Variants in ARSJ observed in about 807,000 individuals in gnomAD.
The protein encoded by ARSJ is arylsulfatase family member J, also known as arylsulfatase J.
In ARSJ, 26 loss-of-function variants were observed where a neutral mutation model predicts 35.9. That is an observed-to-expected ratio of 0.72 (90% CI 0.53 to 1.00). ARSJ has a LOEUF of 1.00. Among genes scored for constraint, ARSJ ranks in the 50% least tolerant of loss-of-function variants. The probability of loss-of-function intolerance (pLI) is 0.00; values close to 1 mark genes in which losing one functional copy is unlikely to be tolerated. For missense variants in ARSJ, 667 were observed against 723.6 expected, an observed-to-expected ratio of 0.92 and a Z score of 0.90; for synonymous variants, 294 against 267.6, an observed-to-expected ratio of 1.10 and a Z score of -0.96.
chr4:113,941,922 A>G (rs570118319), intron 1 of ARSJ, among the ~76,000 whole-genome samples: 1 of 152,144 alleles, frequency 6.6e-6, no homozygotes, highest in Admixed American at 6.6e-5. Context: ...TGTAAGAAGC[A>G]CATGTTTCCA....
chr4:113,909,324 CA>C (rs970000344), intron 1 of ARSJ, among the ~76,000 whole-genome samples: 14 of 152,030 alleles, frequency 9.2e-5, no homozygotes, highest in South Asian at 4.1e-4. Flanking sequence ...AATAAACAAA[CA>C]AAAAAATAGT....
Position 113,902,846 on chromosome 4 carries a change from C to CAAAAT in ARSJ, c.1227_1228insATTTT (p.Gly410IlefsTer9). The CAAAAT allele has an allele frequency of 6.2e-7, 1 of 1,614,090 alleles. No individual in the cohort carries two copies. The highest frequency in any genetic ancestry group is 8.5e-7 in the Non-Finnish European group (1 of 1,180,022). ...ATATCTACTCGGGGTGAGCGAAGACCCTCACTTATGGTCTCCCAGATATCA... is the reference window on the plus strand; with the variant it reads ...ATATCTACTCGGGGTGAGCGAAGACCAAAATCTCACTTATGGTCTCCCAGATATCA... On this transcript the variant is annotated frameshift_variant, in exon 2 of 2. Transcript: ENST00000315366. LOFTEE classifies it high-confidence loss of function.
intron 1 of ARSJ, among the ~76,000 whole-genome samples, chr4:113,913,463 G>A (rs973833742): frequency 2.9e-4 from 44 of 151,480 alleles, no homozygotes; most frequent in African/African-American, 1.1e-3. Flanking sequence ...TTTATTTGAA[G>A]ACCCATACTT....
chr4:113,935,840 C>T (rs905757823), intron 1 of ARSJ, among the ~76,000 whole-genome samples: 21 of 151,840 alleles, frequency 1.4e-4, no homozygotes, highest in Admixed American at 5.9e-4. Context: ...AAATGAAGAC[C>T]ACTTGAAAAA....
chr4:113,941,405 T>G (rs1725151365), intron 1 of ARSJ, among the ~76,000 whole-genome samples: 1 of 151,960 alleles, frequency 6.6e-6, no homozygotes, highest in South Asian at 2.1e-4. Flanking sequence ...TGGAAGAAAA[T>G]CTACTAGGAA....
At position 113,902,301 on chromosome 4, in the gene ARSJ, A is replaced by G. The variant is rs1490146849; in HGVS notation, c.1773T>C (p.Thr591=). The part of the protein sequence containing the change: ...KKQQKAVSGS[T]CHSGVTCG Reference sequence around the variant, plus strand: ...ATCCACAAGTAACACCTGAATGGCAAGTTGAACCTGAGACTGCTTTCTGCT... The same window carrying G: ...ATCCACAAGTAACACCTGAATGGCAGGTTGAACCTGAGACTGCTTTCTGCT... The change falls in exon 2 of 2, where the codon ACT becomes ACC. Residue 591 remains threonine, a synonymous_variant. Coordinates refer to ENST00000315366, the MANE Select transcript of ARSJ (RefSeq NM_024590.4). The G allele has an allele frequency of 6.2e-7, 1 of 1,612,170 alleles. No homozygotes were observed. The highest frequency in any genetic ancestry group is 1.3e-5 in the African/African-American group (1 of 75,060).
chr4:113,906,370 AG>A (rs1426650692), intron 1 of ARSJ, among the ~76,000 whole-genome samples: 1 of 152,256 alleles, frequency 6.6e-6, no homozygotes, highest in Non-Finnish European at 1.5e-5. Flanking sequence ...CAGAAAAAAA[AG>A]AAAGTAAGAA....
chr4:113,928,288 G>T (rs1724207203), intron 1 of ARSJ, among the ~76,000 whole-genome samples: 1 of 152,258 alleles, frequency 6.6e-6, no homozygotes, highest in South Asian at 2.1e-4. Flanking sequence ...ATGGGAGAAA[G>T]ATTCATTGCA....
At chr4:113,945,166 G>T (rs145801985) in intron 1 of ARSJ, among the ~76,000 whole-genome samples, 76 of 152,132 alleles carry the variant, frequency 5.0e-4, no homozygotes, top group Non-Finnish European at 1.0e-3. Flanking sequence ...TTAAGAGACA[G>T]GGTCTTACTC....
At chr4:113,929,060 C>G (rs1326366916) in intron 1 of ARSJ, among the ~76,000 whole-genome samples, 1 of 152,136 alleles carries the variant, frequency 6.6e-6, no homozygotes, top group Non-Finnish European at 1.5e-5. Flanking sequence ...AGAGTCCCTA[C>G]TTAGTGGGCC....
At chr4:113,954,422 C>T (rs1562367449) in intron 1 of ARSJ, among the ~76,000 whole-genome samples, 3 of 151,960 alleles carry the variant, frequency 2.0e-5, no homozygotes, top group Non-Finnish European at 4.4e-5. Context: ...TTCATCTTTT[C>T]TGAAAATACA....
intron 1 of ARSJ, among the ~76,000 whole-genome samples, chr4:113,918,078 A>G (rs1287074330): frequency 6.6e-6 from 1 of 152,192 alleles, no homozygotes; most frequent in Non-Finnish European, 1.5e-5. Flanking sequence ...CCAATGAGTA[A>G]TAAGAATCTC....
At chr4:113,915,971 T>C (rs181044313) in intron 1 of ARSJ, among the ~76,000 whole-genome samples, 2 of 152,240 alleles carry the variant, frequency 1.3e-5, no homozygotes, top group African/African-American at 4.8e-5. Context: ...GGACACTAAC[T>C]GGAAAGCTCG....
At chr4:113,939,179 G>T (rs1008239530) in intron 1 of ARSJ, among the ~76,000 whole-genome samples, 33 of 148,546 alleles carry the variant, frequency 2.2e-4, no homozygotes, top group African/African-American at 8.2e-4. Flanking sequence ...TTTTGTCCTT[G>T]CGATAGTTTA....
At chr4:113,941,976 A>C (rs1179389587) in intron 1 of ARSJ, among the ~76,000 whole-genome samples, 3 of 151,892 alleles carry the variant, frequency 2.0e-5, no homozygotes, top group Non-Finnish European at 4.4e-5. Flanking sequence ...GGTGACAGAG[A>C]TATCAACCAC....
Position 113,902,571 on chromosome 4 carries a change from G to T in ARSJ, c.1503C>A (p.Asp501Glu), listed in dbSNP as rs1182027040. The change falls in exon 2 of 2, where the codon GAC becomes GAA. Residue 501 changes from aspartate (D) to glutamate (E), a missense_variant. Physicochemically the swap from Asp to Glu is conservative, Grantham distance 45. Coordinates refer to ENST00000315366, the MANE Select transcript of ARSJ (RefSeq NM_024590.4). ...TAGATAGGTCCACCCTCTCATATGG[G>T]TCGGCTGTGATGTTGAAAAGCCATA... ...KSVWLFNITA[D>E]PYERVDLSNR... The T allele has an allele frequency of 6.2e-7, 1 of 1,614,136 alleles. No individual in the cohort carries two copies. The highest frequency in any genetic ancestry group is 2.2e-5 in the East Asian group (1 of 44,872).
chr4:113,929,102 A>G (rs901256107), intron 1 of ARSJ, among the ~76,000 whole-genome samples: 7 of 152,102 alleles, frequency 4.6e-5, no homozygotes, highest in Admixed American at 2.0e-4. Flanking sequence ...ATCCAACTCT[A>G]TGTTTCTTCC....
chr4:113,953,609 C>G (rs918787328), intron 1 of ARSJ, among the ~76,000 whole-genome samples: 1 of 151,808 alleles, frequency 6.6e-6, no homozygotes, highest in African/African-American at 2.4e-5. Flanking sequence ...ACCTCTTGGC[C>G]GAAATACTGG....
intron 1 of ARSJ, among the ~76,000 whole-genome samples, chr4:113,954,980 T>C (rs1726077595): frequency 6.6e-6 from 1 of 151,702 alleles, no homozygotes; most frequent in Non-Finnish European, 1.5e-5. Context: ...TCCCTCTCAA[T>C]TTATTGACTT....
Sources: allele counts gnomAD v4.1 joint callset (sites outside exome capture counted in the v4.1 genomes callset), GRCh38; gene constraint gnomAD v4.1.1; transcripts MANE v1.5; gene names NCBI Gene and HGNC (gene_info 2026-07-23, HGNC 2026-07-21).